TRRAP: variants seen among roughly 807,000 people sequenced by gnomAD.
TRRAP encodes the protein transformation/transcription domain associated protein, also known as transformation/transcription domain-associated protein.
TRRAP carries 41 observed loss-of-function variants against 438.8 expected under a neutral mutation model. The observed-to-expected ratio is 0.09, with a 90% confidence interval of 0.07 to 0.12. The LOEUF (loss-of-function observed/expected upper bound fraction) is 0.12, where lower values mean the gene tolerates loss of function less well. Among genes scored for constraint, TRRAP ranks in the 10% least tolerant of loss-of-function variants. TRRAP has a pLI of 1.00. For synonymous variants in TRRAP, 1,994 were observed against 1,962.9 expected (o/e 1.02, Z -0.42); for missense variants, 3,122 against 5,055.1 (o/e 0.62, Z 11.60).
Position 99,012,530 on chromosome 7 carries a change from G to C in TRRAP, c.*175G>C. The C allele has an allele frequency of 1.3e-6, 1 of 789,700 alleles. No homozygotes were observed. 48.9% of individuals were successfully genotyped at this position (789,700 alleles called of 1,614,324 possible). The stretch of plus-strand genomic sequence containing the variant: ...AGAAAGGGAGAATATAGTTTTAGAG[G>C]AAGCTGAACTATGACGATGCTGGGC... On this transcript the variant is annotated 3_prime_UTR_variant, in exon 73 of 73. Transcript: ENST00000456197. This position sits in a 1 kb window ranked among gnomAD's most constrained non-coding sequence, Gnocchi z 5.9.
At chr7:98,985,720 CATGTTTAGCTTATTTTTAA>C (rs936942274) in intron 62 of TRRAP, among the ~76,000 whole-genome samples, 1 of 152,172 alleles carries the variant, frequency 6.6e-6, no homozygotes, top group African/African-American at 2.4e-5. Context: ...GTGGGGCTTG[CATGTTTAGCTTATTTTTAA>C]ATTAGGAAGC....
intron 8 of TRRAP, among the ~76,000 whole-genome samples, chr7:98,898,969 C>T (rs782754017): frequency 2.0e-5 from 3 of 152,182 alleles, no homozygotes; most frequent in Admixed American, 6.5e-5. Context: ...GGGCAGATCA[C>T]CTGAGGTCAG....
chr7:98,976,588 T>C lies in TRRAP; in HGVS notation c.8065T>C (p.Cys2689Arg). The C allele has an allele frequency of 6.2e-7, 1 of 1,614,198 alleles. No homozygotes were observed. ...LNCFVEAMSQ[C>R]VPPIPIRPCV... ...CTGCTTTGTGGAAGCCATGTCCCAG[T>C]GCGTGCCGCCAATCCCCATCCGACC... Residue 2689 changes from cysteine (C) to arginine (R), a missense_variant, in exon 55 of 73, where the codon TGC becomes CGC. Coordinates refer to ENST00000456197, the MANE Select transcript of TRRAP (RefSeq NM_001375524.1). The surrounding 1 kb of genome is among the most constrained non-coding windows in gnomAD (Gnocchi z 4.6).
intron 6 of TRRAP, 121 bp from the exon 7 acceptor site, chr7:98,895,643 C>T: frequency 1.5e-6 from 1 of 685,856 alleles, no homozygotes; most frequent in Non-Finnish European, 2.2e-6. Flanking sequence ...TTGAGCCCAC[C>T]ATTTTCCTTA....
chr7:99,007,402 G>A (rs1794218197), intron 69 of TRRAP, among the ~76,000 whole-genome samples: 1 of 152,212 alleles, frequency 6.6e-6, no homozygotes, highest in Non-Finnish European at 1.5e-5. Flanking sequence ...AGGCTGGAGT[G>A]CAGTGGCGCA....
chr7:99,000,387 A>T (rs1793861950), intron 67 of TRRAP, among the ~76,000 whole-genome samples: 1 of 152,186 alleles, frequency 6.6e-6, no homozygotes, highest in African/African-American at 2.4e-5. Context: ...AAAGCCGGGT[A>T]ACAGGCCAAG....
chr7:98,996,866 C>G (rs548275421), intron 67 of TRRAP, among the ~76,000 whole-genome samples: 3 of 152,246 alleles, frequency 2.0e-5, no homozygotes, highest in African/African-American at 7.2e-5. Flanking sequence ...CAACTCTGTT[C>G]TAATTATAAG....
chr7:98,955,422 C>T (rs1196458542), intron 41 of TRRAP, 118 bp downstream of exon 41: 1 of 1,088,726 alleles, frequency 9.2e-7, no homozygotes, highest in African/African-American at 1.6e-5. Context: ...AAGGCTACTT[C>T]TGGTTCATTG....
At chr7:99,004,132 G>C in intron 67 of TRRAP, 58 bp from the exon 68 acceptor site, 1 of 1,490,334 alleles carries the variant, frequency 6.7e-7, no homozygotes, top group Non-Finnish European at 9.1e-7. Context: ...GTTTTTTGCA[G>C]TGTGTTAGAA....
chr7:98,915,729 T>C lies in TRRAP; in HGVS notation c.2206T>C (p.Leu736=). Residue 736 remains leucine, a synonymous_variant, in exon 19 of 73, where the codon TTG becomes CTG. Coordinates refer to ENST00000456197, the MANE Select transcript of TRRAP (RefSeq NM_001375524.1). ...AENEQMLKPH[L]HKIVNSSMEL... ...CGTCTTCTCCACCCCGCAGCCTCAC[T>C]TGCACAAGATTGTGAACAGCTCTAT... 2 of 1,613,798 alleles carry C rather than the reference T, an allele frequency of 1.2e-6. No homozygotes were observed. Among genetic ancestry groups the C allele is most frequent in the Non-Finnish European group, 8.5e-7 (1 of 1,179,766 alleles).
intron 1 of TRRAP, among the ~76,000 whole-genome samples, chr7:98,879,286 C>G (rs1795312275): frequency 6.6e-6 from 1 of 152,212 alleles, no homozygotes; most frequent in Non-Finnish European, 1.5e-5. Flanking sequence ...CCAGGGCCCC[C>G]CAGGCTCCGC....
chr7:98,910,229 A>AGG lies in TRRAP; in HGVS notation c.1524_1525insGG (p.Pro509GlyfsTer12). ...CAGCCCCTGTCCCTGCCCCACCTCC[A>AGG]CCCCCGCCCCCACCCCCACCTGCCA... On this transcript the variant is annotated frameshift_variant, in exon 15 of 73. Transcript: ENST00000456197. LOFTEE classifies it high-confidence loss of function. 3 of 372,646 alleles carry AGG rather than the reference A, an allele frequency of 8.1e-6. No homozygotes were observed. Among genetic ancestry groups the AGG allele is most frequent in the Non-Finnish European group, 7.0e-6 (2 of 286,466 alleles). 23.1% of individuals were successfully genotyped at this position (372,646 alleles called of 1,614,324 possible). A position where few individuals can be genotyped will look rare whatever the true frequency, so the allele number is the denominator to read the frequency against.
chr7:98,883,773 C>G (rs2116241872), intron 3 of TRRAP, among the ~76,000 whole-genome samples: 1 of 152,256 alleles, frequency 6.6e-6, no homozygotes, highest in South Asian at 2.1e-4. Context: ...CTCGGCCTCC[C>G]AAAGTGCTGG....
chr7:98,958,907 CTT>C (rs1283627283), intron 44 of TRRAP, among the ~76,000 whole-genome samples: 4 of 152,118 alleles, frequency 2.6e-5, no homozygotes, highest in Non-Finnish European at 5.9e-5. Flanking sequence ...ATTTCTGAAA[CTT>C]TATATTTCAA....
intron 21 of TRRAP, 115 bp from the exon 22 acceptor site, chr7:98,924,991 CGAGACT>C (rs1789980517): frequency 3.0e-6 from 4 of 1,339,418 alleles, no homozygotes; most frequent in Non-Finnish European, 4.0e-6. Context: ...GGCGACAGAG[CGAGACT>C]CCGTCTCAAA....
chr7:98,916,636 G>A (rs928790750), intron 19 of TRRAP, among the ~76,000 whole-genome samples: 3 of 152,166 alleles, frequency 2.0e-5, no homozygotes, highest in Non-Finnish European at 4.4e-5. Flanking sequence ...CTCCATGTCC[G>A]GATTTAACCC....
intron 53 of TRRAP, chr7:98,975,914 G>A (rs1021838456): frequency 2.9e-5 from 14 of 483,094 alleles, no homozygotes; most frequent in African/African-American, 3.9e-5. Flanking sequence ...AAATGCAGGC[G>A]CCATTGCTGA....
chr7:98,988,737 C>T (rs1165838119), intron 62 of TRRAP, 28 bp from the exon 63 acceptor site: 4 of 1,608,566 alleles, frequency 2.5e-6, no homozygotes, highest in Admixed American at 3.3e-5. Flanking sequence ...GAAAACCATA[C>T]ACGTTTTGGT....
chr7:98,929,541 G>T (rs2116506640), intron 23 of TRRAP, among the ~76,000 whole-genome samples: 1 of 152,158 alleles, frequency 6.6e-6, no homozygotes, highest in South Asian at 2.1e-4. Context: ...ACACATAATT[G>T]CAGTTTAACA....
Sources: gnomAD v4.1 joint callset for allele counts (sites outside exome capture counted in the v4.1 genomes callset) on GRCh38, gnomAD v4.1.1 for gene constraint, Gnocchi (gnomAD v3.1) non-coding constraint, MANE v1.5 for transcripts, NCBI Gene and HGNC (gene_info 2026-07-23, HGNC 2026-07-21) for gene names.